The following SLC6A11 variants were observed in gnomAD, a reference collection of about 807,000 sequenced individuals.
SLC6A11 encodes the protein solute carrier family 6 member 11.
A neutral mutation model predicts 74.8 loss-of-function variants in SLC6A11; 25 were observed. That is an observed-to-expected ratio of 0.33 (90% confidence interval 0.24 to 0.47). The LOEUF (loss-of-function observed/expected upper bound fraction) is 0.47. SLC6A11 is among the 20% of genes least tolerant of loss of function. The pLI is 1.00. For missense variants in SLC6A11, 574 were observed against 837.0 expected, an observed-to-expected ratio of 0.69 and a Z score of 3.88; for synonymous variants, 330 against 330.2, an observed-to-expected ratio of 1.00 and a Z score of 0.01.
intron 7 of SLC6A11, 29 bp downstream of exon 7, chr3:10,912,222 C>T: frequency 6.9e-7 from 1 of 1,453,500 alleles, no homozygotes; most frequent in Non-Finnish European, 9.7e-7. Context: ...CCTGCCAGCT[C>T]TCCACCAAAC....
At position 10,819,586 on chromosome 3, in the gene SLC6A11, C is replaced by T; in HGVS notation, c.378C>T (p.Cys126=). ...GCATTACGTGTTGGAGGAAAGTTTG[C>T]CCTTTATTTGAAGGTATGTGTTGAG... The part of the protein sequence containing the change: ...EGGITCWRKV[C]PLFEGIGYAT... Residue 126 remains cysteine, a synonymous_variant, in exon 2 of 14, where the codon TGC becomes TGT. Coordinates refer to ENST00000254488, the MANE Select transcript of SLC6A11 (RefSeq NM_014229.3). 3 of 1,613,940 alleles carry T rather than the reference C, an allele frequency of 1.9e-6. No individual in the cohort carries two copies. Among genetic ancestry groups the T allele is most frequent in the Non-Finnish European group, 2.5e-6 (3 of 1,179,970 alleles).
intron 6 of SLC6A11, among the ~76,000 whole-genome samples, chr3:10,883,141 G>A (rs1695003120): frequency 2.0e-5 from 3 of 152,202 alleles, no homozygotes; most frequent in Admixed American, 2.0e-4. Context: ...TCAAGAACTT[G>A]AAGCGACACA....
intron 6 of SLC6A11, among the ~76,000 whole-genome samples, chr3:10,892,412 C>T (rs1343427313): frequency 6.6e-6 from 1 of 152,208 alleles, no homozygotes; most frequent in Non-Finnish European, 1.5e-5. Flanking sequence ...TCATGCCCCA[C>T]TGCTCATCCC....
At chr3:10,890,188 G>A (rs1034641697) in intron 6 of SLC6A11, among the ~76,000 whole-genome samples, 5 of 151,976 alleles carry the variant, frequency 3.3e-5, no homozygotes, top group Non-Finnish European at 7.3e-5. Context: ...TGCTTTATAG[G>A]AAAAAAGGCC....
intron 13 of SLC6A11, 40 bp from the exon 14 acceptor site, chr3:10,938,210 G>T (rs755423704): frequency 6.5e-7 from 1 of 1,547,542 alleles, no homozygotes; most frequent in Non-Finnish European, 8.8e-7. Flanking sequence ...GACCCTGGCA[G>T]CTAATCACTC....
intron 6 of SLC6A11, among the ~76,000 whole-genome samples, chr3:10,900,415 G>C (rs752881180): frequency 6.6e-6 from 1 of 152,204 alleles, no homozygotes; most frequent in Non-Finnish European, 1.5e-5. Flanking sequence ...AGAGCACCCT[G>C]CTCTCAGGAA....
At chr3:10,894,560 A>C (rs370602216) in intron 6 of SLC6A11, among the ~76,000 whole-genome samples, 3 of 152,344 alleles carry the variant, frequency 2.0e-5, no homozygotes, top group Admixed American at 6.5e-5. Flanking sequence ...ATACCATGTG[A>C]TCTCACTTAT....
chr3:10,858,960 C>T (rs763530797), intron 5 of SLC6A11, among the ~76,000 whole-genome samples: 21 of 152,030 alleles, frequency 1.4e-4, no homozygotes, highest in Non-Finnish European at 1.6e-4. Flanking sequence ...GGGCAGCCCT[C>T]GAGGGTATAT....
chr3:10,940,198 A>T lies in SLC6A11; in HGVS notation c.*1796A>T, dbSNP rs1440997655. ...CTGCCCAGCTTCTTATGGGCAAGCC[A>T]CCATCCCACTCTCGTCTCCCTGAGC... On this transcript the variant is annotated 3_prime_UTR_variant, in exon 14 of 14. Transcript: ENST00000254488. 3.3e-5 allele frequency: 5 copies of T among 152,310 alleles called. No individual in the cohort carries two copies. In the East Asian group the frequency reaches 9.7e-4, roughly 30 times the overall value. 9.4% of individuals were successfully genotyped at this position (152,310 alleles called of 1,614,324 possible).
In SLC6A11 at chr3:10,933,138, C is replaced by T; in HGVS notation, c.1372-13C>T. On this transcript the variant is annotated splice_polypyrimidine_tract_variant and intron_variant, in intron 10 of 13. Transcript: ENST00000254488. ...TTCACCTCCCATCCGTGTGTCTGTT[C>T]CCCGACCTGCAGGGTGGCATGTACA... 1 of 1,602,698 alleles carries T rather than the reference C, an allele frequency of 6.2e-7. No homozygotes were observed. Among genetic ancestry groups the T allele is most frequent in the Non-Finnish European group, 8.6e-7 (1 of 1,169,568 alleles).
chr3:10,857,835 G>C (rs1012604935), intron 5 of SLC6A11, among the ~76,000 whole-genome samples: 9 of 152,080 alleles, frequency 5.9e-5, no homozygotes, highest in African/African-American at 2.2e-4. Flanking sequence ...TTGATATGAT[G>C]CCCTAGCTAT....
intron 6 of SLC6A11, among the ~76,000 whole-genome samples, chr3:10,906,180 C>T (rs902590361): frequency 6.6e-6 from 1 of 152,142 alleles, no homozygotes; most frequent in Non-Finnish European, 1.5e-5. Flanking sequence ...CGTCTCTCAC[C>T]TCCAGCCAAG....
Position 10,819,617 on chromosome 3 carries a change from G to A in SLC6A11, c.391+18G>A. 7.4e-6 allele frequency: 12 copies of A among 1,610,894 alleles called. No individual in the cohort carries two copies. The highest frequency in any genetic ancestry group is 9.3e-6 in the Non-Finnish European group (11 of 1,179,118). ...ATTTGAAGGTATGTGTTGAGTTAATGAGAAAATAAAATTTTGCCCAGGGAA... is the reference window on the plus strand; with the variant it reads ...ATTTGAAGGTATGTGTTGAGTTAATAAGAAAATAAAATTTTGCCCAGGGAA... On this transcript the variant is annotated intron_variant, in intron 2 of 13. Transcript: ENST00000254488.
At chr3:10,844,133 A>C (rs1694472805) in intron 4 of SLC6A11, 81 bp from the exon 5 acceptor site, 3 of 1,557,920 alleles carry the variant, frequency 1.9e-6, no homozygotes, top group Non-Finnish European at 1.8e-6. Flanking sequence ...ACATGGGCCC[A>C]TCCCTGCTCC....
At chr3:10,931,585 C>T (rs184863750) in intron 10 of SLC6A11, among the ~76,000 whole-genome samples, 83 of 152,288 alleles carry the variant, frequency 5.5e-4, no homozygotes, top group South Asian at 3.9e-3. Context: ...TTTAAAAACA[C>T]GAAGTTGCCA....
At chr3:10,838,910 C>T (rs1204803564) in intron 4 of SLC6A11, among the ~76,000 whole-genome samples, 1 of 152,172 alleles carries the variant, frequency 6.6e-6, no homozygotes, top group Admixed American at 6.5e-5. Context: ...GTTCTCATCA[C>T]TGCCATCTCC....
chr3:10,864,500 G>C (rs746466645), intron 5 of SLC6A11, among the ~76,000 whole-genome samples: 44 of 152,034 alleles, frequency 2.9e-4, no homozygotes, highest in Middle Eastern at 3.4e-3. Flanking sequence ...GGAGATATTC[G>C]TTGACCTTGG....
At chr3:10,908,984 A>T (rs1189678130) in intron 6 of SLC6A11, among the ~76,000 whole-genome samples, 1 of 151,926 alleles carries the variant, frequency 6.6e-6, no homozygotes, top group East Asian at 1.9e-4. Context: ...CCAGGGAGTC[A>T]TGTGCTAATA....
chr3:10,911,996 G>A (rs889348402), intron 6 of SLC6A11, 94 bp from the exon 7 acceptor site: 63 of 842,248 alleles, frequency 7.5e-5, no homozygotes, highest in Admixed American at 1.2e-4. Flanking sequence ...TTTCTGAAGG[G>A]TAGAGTGTGG....
Sources: allele counts gnomAD v4.1 joint callset (sites outside exome capture counted in the v4.1 genomes callset), GRCh38; gene constraint gnomAD v4.1.1; transcripts MANE v1.5; gene names NCBI Gene and HGNC (gene_info 2026-07-23, HGNC 2026-07-21).